PPP1R13B: variants seen among roughly 807,000 people sequenced by gnomAD.
PPP1R13B encodes protein phosphatase 1 regulatory subunit 13B, also known as apoptosis-stimulating of p53 protein 1.
Under a neutral mutation model 119.8 loss-of-function variants are expected in PPP1R13B, and 44 were observed. The observed-to-expected ratio is 0.37, with a 90% confidence interval of 0.29 to 0.47. The LOEUF is 0.47. PPP1R13B is among the 20% of genes least tolerant of loss of function. The pLI is 0.99. For missense variants in PPP1R13B, 1,227 were observed against 1,413.5 expected (o/e 0.87, Z 2.12); for synonymous variants, 542 against 561.5 (o/e 0.97, Z 0.49).
In PPP1R13B at chr14:103,734,727, C is replaced by T. The variant is rs552465144; in HGVS notation, c.*427G>A. ...TGTGAGAAAGGATGAGTGTCCGATT[C>T]GGTGACGGGGGGCAGGGCGGTCGCA... On this transcript the variant is annotated 3_prime_UTR_variant, in exon 17 of 17. Coordinates refer to ENST00000202556, the MANE Select transcript of PPP1R13B (RefSeq NM_015316.3). 63 of 460,110 alleles carry T rather than the reference C, an allele frequency of 1.4e-4. No homozygotes were observed. Among genetic ancestry groups the T allele is most frequent in the African/African-American group, 6.4e-4 (32 of 50,352 alleles). The allele number at this position is 460,110 out of a possible 1,614,324, so 28.5% of individuals were successfully genotyped here.
Position 103,734,606 on chromosome 14 carries a change from G to T in PPP1R13B, c.*548C>A, listed in dbSNP as rs1267542130. 2.2e-6 allele frequency: 1 copy of T among 456,442 alleles called. No homozygotes were observed. Among genetic ancestry groups the T allele is most frequent in the South Asian group, 1.5e-5 (1 of 64,574 alleles). 28.3% of individuals were successfully genotyped at this position (456,442 alleles called of 1,614,324 possible). A position where few individuals can be genotyped will look rare whatever the true frequency, so the allele number is the denominator to read the frequency against. On this transcript the variant is annotated 3_prime_UTR_variant, in exon 17 of 17. Transcript: ENST00000202556. ...CCCCCAAGGCGGCCGAGCAGAGTGG[G>T]TACTGGGAGGCATACACACTGGGCA...
intron 2 of PPP1R13B, among the ~76,000 whole-genome samples, chr14:103,796,748 G>A (rs559074635): frequency 6.6e-6 from 1 of 152,254 alleles, no homozygotes; most frequent in East Asian, 1.9e-4. Context: ...CCTGAGCTCA[G>A]GAGTTCAAGA....
At chr14:103,795,637 CAG>C (rs538884465) in intron 2 of PPP1R13B, among the ~76,000 whole-genome samples, 127 of 152,166 alleles carry the variant, frequency 8.3e-4, no homozygotes, top group African/African-American at 3.0e-3. Context: ...TAACAAGTAA[CAG>C]AGAACAAAAG....
intron 4 of PPP1R13B, among the ~76,000 whole-genome samples, chr14:103,768,479 A>T (rs2084988894): frequency 6.6e-6 from 1 of 151,838 alleles, no homozygotes; most frequent in African/African-American, 2.4e-5. Flanking sequence ...TTTGTATTTT[A>T]GTAGAGACAG....
At chr14:103,832,997 A>G (rs963818638) in intron 1 of PPP1R13B, among the ~76,000 whole-genome samples, 5 of 152,078 alleles carry the variant, frequency 3.3e-5, no homozygotes, top group African/African-American at 1.2e-4. Flanking sequence ...AGAAAAAAAA[A>G]AAAGATCCAT....
intron 9 of PPP1R13B, among the ~76,000 whole-genome samples, chr14:103,745,204 T>C (rs189642164): frequency 1.2e-3 from 190 of 152,292 alleles, no homozygotes; most frequent in African/African-American, 4.5e-3. Flanking sequence ...CTGGTGATGC[T>C]CTTCTCTTTC....
At chr14:103,831,966 G>A (rs1414714455) in intron 1 of PPP1R13B, among the ~76,000 whole-genome samples, 2 of 151,730 alleles carry the variant, frequency 1.3e-5, no homozygotes, top group Non-Finnish European at 2.9e-5. Context: ...ATTAGCCAGG[G>A]ATGGTGGTGT....
intron 1 of PPP1R13B, among the ~76,000 whole-genome samples, chr14:103,817,809 T>C (rs2086315176): frequency 6.6e-6 from 1 of 152,124 alleles, no homozygotes; most frequent in South Asian, 2.1e-4. Flanking sequence ...GCCATGTGAC[T>C]GAGATGCTTC....
chr14:103,776,812 C>T (rs942796612), intron 4 of PPP1R13B, among the ~76,000 whole-genome samples: 5 of 150,000 alleles, frequency 3.3e-5, no homozygotes, highest in African/African-American at 1.2e-4. Context: ...GCGGAGCTTG[C>T]AGTGAGCCCA....
intron 2 of PPP1R13B, among the ~76,000 whole-genome samples, chr14:103,795,035 C>T (rs771070827): frequency 1.1e-4 from 17 of 152,312 alleles, no homozygotes; most frequent in Non-Finnish European, 2.1e-4. Context: ...CCTCCGCCTC[C>T]GGGTTTCAAG....
Position 103,742,540 on chromosome 14 carries a change from A to T in PPP1R13B, c.1320+114T>A. On this transcript the variant is annotated intron_variant, in intron 10 of 16. Transcript: ENST00000202556. This position sits in a 1 kb window ranked among gnomAD's most constrained non-coding sequence, Gnocchi z 4.9. ...CTAGGACTTTGGGTGTTGTCTGGAC[A>T]ATAACAGGATTAACTTGCCTCCTGA... 1 of 1,419,900 alleles carries T rather than the reference A, an allele frequency of 7.0e-7. No individual in the cohort carries two copies. 88.0% of individuals were successfully genotyped at this position (1,419,900 alleles called of 1,614,324 possible).
In PPP1R13B at chr14:103,740,245, T is replaced by C. The variant is rs1236333133; in HGVS notation, c.2171A>G (p.Lys724Arg). The C allele has an allele frequency of 6.2e-7, 1 of 1,607,770 alleles. No individual in the cohort carries two copies. Among genetic ancestry groups the C allele is most frequent in the Non-Finnish European group, 8.5e-7 (1 of 1,176,044 alleles). The change falls in exon 12 of 17, where the codon AAG (lysine) becomes AGG (arginine). Residue 724 changes from lysine (K) to arginine (R), a missense_variant. Lys to Arg is a conservative substitution (Grantham distance 26). Coordinates refer to ENST00000202556, the MANE Select transcript of PPP1R13B (RefSeq NM_015316.3). This position sits in a 1 kb window ranked among gnomAD's most constrained non-coding sequence, Gnocchi z 4.6. ...PEGPGGPNIQ[K>R]LLYQRFNTLA... is the part of the protein sequence containing the mutation. ...GGTGTTGAAGCGCTGGTACAGCAGCTTCTGGATGTTGGGCCCGCCGGGGCC... is the reference window on the plus strand; with the variant it reads ...GGTGTTGAAGCGCTGGTACAGCAGCCTCTGGATGTTGGGCCCGCCGGGGCC...
intron 12 of PPP1R13B, 143 bp from the exon 13 acceptor site, chr14:103,739,166 GC>G: frequency 8.6e-7 from 1 of 1,163,238 alleles, no homozygotes; most frequent in Non-Finnish European, 1.2e-6. Flanking sequence ...CAGTAGCAGC[GC>G]CCAGGTGACC....
chr14:103,783,534 G>A (rs2085384458), intron 3 of PPP1R13B, among the ~76,000 whole-genome samples: 1 of 151,918 alleles, frequency 6.6e-6, no homozygotes, highest in Non-Finnish European at 1.5e-5. Flanking sequence ...TTATAGGCGT[G>A]AGCCACCACA....
chr14:103,735,249 C>T (rs2084069481), intron 16 of PPP1R13B, 54 bp from the exon 17 acceptor site: 1 of 1,584,414 alleles, frequency 6.3e-7, no homozygotes, highest in Non-Finnish European at 8.7e-7. Context: ...GGGAGCAGGG[C>T]CAGCCAGACC....
chr14:103,776,657 G>A (rs1288919544), intron 4 of PPP1R13B, among the ~76,000 whole-genome samples: 1 of 152,190 alleles, frequency 6.6e-6, no homozygotes, highest in Admixed American at 6.5e-5. Flanking sequence ...CGGATCACAA[G>A]GTCAGGAGAT....
At chr14:103,777,270 G>A (rs1232477653) in intron 4 of PPP1R13B, among the ~76,000 whole-genome samples, 1 of 152,178 alleles carries the variant, frequency 6.6e-6, no homozygotes, top group East Asian at 1.9e-4. Context: ...CAGGATTACA[G>A]GTGTGAGCCA....
At chr14:103,834,751 T>C (rs1199448981) in intron 1 of PPP1R13B, among the ~76,000 whole-genome samples, 1 of 151,770 alleles carries the variant, frequency 6.6e-6, no homozygotes, top group Non-Finnish European at 1.5e-5. Flanking sequence ...CCACCATGCC[T>C]GGCTATTTTT....
chr14:103,776,042 C>T (rs954526827), intron 4 of PPP1R13B, among the ~76,000 whole-genome samples: 5 of 151,660 alleles, frequency 3.3e-5, no homozygotes, highest in African/African-American at 1.2e-4. Context: ...ACTTTATAAC[C>T]AATCTACAGA....
Sources: gnomAD v4.1 joint callset for allele counts (sites outside exome capture counted in the v4.1 genomes callset) on GRCh38, gnomAD v4.1.1 for gene constraint, Gnocchi (gnomAD v3.1) non-coding constraint, MANE v1.5 for transcripts, NCBI Gene and HGNC (gene_info 2026-07-23, HGNC 2026-07-21) for gene names.